Variants in LRRC28 observed in about 807,000 individuals in gnomAD.
The protein encoded by LRRC28 is leucine rich repeat containing 28.
A neutral mutation model predicts 45.7 loss-of-function variants in LRRC28; 39 were observed. The ratio of observed to expected loss-of-function variants is 0.85; its 90% CI spans 0.66 to 1.12. The LOEUF (loss-of-function observed/expected upper bound fraction) is 1.12. LRRC28 is among the 50% of genes most tolerant of loss of function. LRRC28 has a pLI of 0.00. For synonymous variants in LRRC28, 206 were observed against 178.8 expected, an observed-to-expected ratio of 1.15 and a Z score of -1.22; for missense variants, 435 against 438.5, an observed-to-expected ratio of 0.99 and a Z score of 0.07.
chr15:99,348,602 A>G (rs952504051), intron 6 of LRRC28, among the ~76,000 whole-genome samples: 11 of 152,000 alleles, frequency 7.2e-5, no homozygotes, highest in Admixed American at 6.5e-4. Flanking sequence ...GTTCTGTTCC[A>G]TTGGTCTAGG....
chr15:99,319,616 C>A (rs1205284754), intron 5 of LRRC28, among the ~76,000 whole-genome samples: 1 of 149,888 alleles, frequency 6.7e-6, no homozygotes. Context: ...AGTGCATAAT[C>A]TAGTCACACA....
intron 5 of LRRC28, among the ~76,000 whole-genome samples, chr15:99,304,591 C>T (rs982096253): frequency 4.6e-5 from 7 of 151,698 alleles, no homozygotes; most frequent in South Asian, 2.1e-4. Context: ...CCAACACGCC[C>T]GGCTCATTTA....
intron 2 of LRRC28, among the ~76,000 whole-genome samples, chr15:99,260,797 C>T (rs2081174975): frequency 6.6e-6 from 1 of 152,128 alleles, no homozygotes; most frequent in Admixed American, 6.5e-5. Flanking sequence ...CTGGGGAAAA[C>T]GTTGAAAATA....
intron 9 of LRRC28, among the ~76,000 whole-genome samples, chr15:99,371,257 T>C (rs1957477115): frequency 1.3e-5 from 2 of 152,222 alleles, no homozygotes; most frequent in African/African-American, 4.8e-5. Context: ...AGCCGGGTGC[T>C]GTGGTAGGTG....
At chr15:99,339,406 G>A (rs567127902) in intron 6 of LRRC28, among the ~76,000 whole-genome samples, 3 of 152,250 alleles carry the variant, frequency 2.0e-5, no homozygotes, top group South Asian at 2.1e-4. Context: ...CCACTTTAGC[G>A]ATGGAATTCT....
chr15:99,274,801 C>A (rs1256454245), intron 2 of LRRC28, among the ~76,000 whole-genome samples: 2 of 152,016 alleles, frequency 1.3e-5, no homozygotes, highest in Non-Finnish European at 2.9e-5. Flanking sequence ...TGCAGTTTCC[C>A]AATTGTACTT....
At chr15:99,263,670 G>A (rs1043554426) in intron 2 of LRRC28, among the ~76,000 whole-genome samples, 3 of 152,160 alleles carry the variant, frequency 2.0e-5, no homozygotes, top group African/African-American at 4.8e-5. Context: ...TGTAGTACAC[G>A]TAATTTCATT....
At chr15:99,347,793 C>G (rs903969936) in intron 6 of LRRC28, among the ~76,000 whole-genome samples, 3 of 151,996 alleles carry the variant, frequency 2.0e-5, no homozygotes, top group Non-Finnish European at 2.9e-5. Flanking sequence ...AGATATATAC[C>G]CAGGAGAGGG....
intron 6 of LRRC28, among the ~76,000 whole-genome samples, chr15:99,337,627 C>A (rs980865854): frequency 3.9e-5 from 6 of 152,342 alleles, no homozygotes; most frequent in Admixed American, 2.0e-4. Context: ...GAGCAACTTT[C>A]CTTTGTGAAT....
intron 3 of LRRC28, chr15:99,284,690 T>G (rs2081908814): frequency 1.9e-6 from 1 of 515,818 alleles, no homozygotes; most frequent in African/African-American, 1.9e-5. Context: ...GTTTCATGGT[T>G]TGGCCAAGTA....
chr15:99,313,582 A>G (rs535283373), intron 5 of LRRC28, among the ~76,000 whole-genome samples: 9 of 152,268 alleles, frequency 5.9e-5, no homozygotes, highest in Admixed American at 3.9e-4. Context: ...CCTTCCTGTT[A>G]TTTTGAATTA....
intron 5 of LRRC28, among the ~76,000 whole-genome samples, chr15:99,291,852 T>A (rs568873861): frequency 1.3e-5 from 2 of 152,378 alleles, no homozygotes; most frequent in South Asian, 4.1e-4. Context: ...TGTCTGTTTG[T>A]TTAGCCATCA....
At position 99,282,899 on chromosome 15, in the gene LRRC28, AT is replaced by A. The variant is rs113727507; in HGVS notation, c.210-4347del. Among the ~76,000 whole-genome samples, 34 of 149,540 alleles carry A rather than the reference AT, an allele frequency of 2.3e-4. 3 individuals are homozygous for A. Among genetic ancestry groups the A allele is most frequent in the South Asian group, 1.5e-3 (7 of 4,718 alleles). On this transcript the variant is annotated intron_variant, in intron 3 of 9. Coordinates refer to ENST00000301981, the MANE Select transcript of LRRC28 (RefSeq NM_144598.5). ...AGAAGTCCTGTTTCTTTAATTAAAA[AT>A]TTTTTTTTTTGAGATGGAATTTCGC...
intron 4 of LRRC28, 23 bp downstream of exon 4, chr15:99,287,317 A>T (rs2081985838): frequency 6.7e-7 from 1 of 1,497,734 alleles, no homozygotes; most frequent in African/African-American, 1.4e-5. Flanking sequence ...TAAAAATTTT[A>T]GTTAGAAGAT....
chr15:99,276,726 C>T, intron 3 of LRRC28, 110 bp downstream of exon 3: 2 of 864,962 alleles, frequency 2.3e-6, no homozygotes, highest in Non-Finnish European at 3.3e-6. Flanking sequence ...TTTTTGGTAT[C>T]ATGATCATGG....
rs1050202763 is a variant in LRRC28, at chr15:99,266,809, G to A, written c.169-9767G>A. Among the ~76,000 whole-genome samples the A allele has an allele frequency of 2.6e-5, 4 of 152,258 alleles. No individual in the cohort carries two copies. The East Asian group carries it at 7.7e-4, about 29-fold the overall frequency. ...TTACCAAGTGCTCAAACAGTTTTACGCAAATGACATGTATTATTTAATCCT... is the reference window on the plus strand; with the variant it reads ...TTACCAAGTGCTCAAACAGTTTTACACAAATGACATGTATTATTTAATCCT... On this transcript the variant is annotated intron_variant, in intron 2 of 9. Coordinates refer to ENST00000301981, the MANE Select transcript of LRRC28 (RefSeq NM_144598.5).
intron 5 of LRRC28, among the ~76,000 whole-genome samples, chr15:99,294,992 A>T (rs2082226418): frequency 6.6e-6 from 1 of 152,226 alleles, no homozygotes; most frequent in Non-Finnish European, 1.5e-5. Flanking sequence ...CAGGTCCAAC[A>T]TGGGGCTCGC....
At chr15:99,327,505 A>C (rs1025372999) in intron 5 of LRRC28, among the ~76,000 whole-genome samples, 1 of 152,142 alleles carries the variant, frequency 6.6e-6, no homozygotes, top group African/African-American at 2.4e-5. Context: ...ATATTATAGT[A>C]TGTCCTTTTA....
At chr15:99,311,498 T>G (rs1396197831) in intron 5 of LRRC28, among the ~76,000 whole-genome samples, 1 of 152,244 alleles carries the variant, frequency 6.6e-6, no homozygotes, top group Non-Finnish European at 1.5e-5. Context: ...ATTTTCAATT[T>G]AATTCTGTTG....
Sources: allele counts gnomAD v4.1 joint callset (sites outside exome capture counted in the v4.1 genomes callset), GRCh38; gene constraint gnomAD v4.1.1; transcripts MANE v1.5; gene names NCBI Gene and HGNC (gene_info 2026-07-23, HGNC 2026-07-21).